Variants in TFIP11 observed in about 807,000 individuals in gnomAD.
TFIP11 encodes the protein tuftelin interacting protein 11.
Under a neutral mutation model 96.8 loss-of-function variants are expected in TFIP11, and 86 were observed. The observed-to-expected ratio is 0.89, with a 90% CI of 0.75 to 1.06. TFIP11 has a LOEUF of 1.06. Among genes scored for constraint, TFIP11 ranks in the 50% least tolerant of loss-of-function variants. The pLI is 0.00. For synonymous variants in TFIP11, 405 were observed against 395.2 expected (o/e 1.02, Z -0.29); for missense variants, 881 against 1,076.7 (o/e 0.82, Z 2.54).
rs144147871 is a variant in TFIP11, at chr22:26,492,876, G to A, written c.2159-508C>T. ...AATACCAAGACCATAAATGCTAAGT[G>A]CTAATTGAGGGGTATATTCAGGGAA... On this transcript the variant is annotated intron_variant, in intron 14 of 14. Transcript: ENST00000407690. 1.4e-4 allele frequency: 22 copies of A among 159,118 alleles called. 1 individual carries two copies. The East Asian group carries it at 3.7e-3, about 27-fold the overall frequency. 9.9% of individuals were successfully genotyped at this position (159,118 alleles called of 1,614,324 possible). A position where few individuals can be genotyped will look rare whatever the true frequency, so the allele number is the denominator to read the frequency against.
chr22:26,511,648 T>C (rs534957483), intron 2 of TFIP11: 2 of 152,322 alleles, frequency 1.3e-5, no homozygotes, highest in Non-Finnish European at 2.9e-5. Context: ...TACACAATAA[T>C]ACACTCCATA....
intron 8 of TFIP11, among the ~76,000 whole-genome samples, chr22:26,500,672 A>G (rs1227272749): frequency 1.3e-5 from 2 of 151,922 alleles, no homozygotes; most frequent in African/African-American, 4.8e-5. Flanking sequence ...AAAAAAAAAA[A>G]AAGAGTCCTG....
chr22:26,502,700 T>G (rs909492895), intron 7 of TFIP11, among the ~76,000 whole-genome samples: 2 of 152,212 alleles, frequency 1.3e-5, no homozygotes, highest in African/African-American at 4.8e-5. Context: ...ATTTTTTCTC[T>G]AAAAGTATCT....
intron 6 of TFIP11, among the ~76,000 whole-genome samples, chr22:26,505,264 G>C (rs4822730): frequency 0.46 from 69,305 of 151,874 alleles, 16,442 homozygotes; most frequent in Non-Finnish European, 0.5. Context: ...AGTGTGACAG[G>C]GGCTGTGTCT....
Position 26,491,409 on chromosome 22 carries a change from A to G in TFIP11, c.*604T>C. 1 of 1,332,504 alleles carries G rather than the reference A, an allele frequency of 7.5e-7. No individual in the cohort carries two copies. Among genetic ancestry groups the G allele is most frequent in the Non-Finnish European group, 1.1e-6 (1 of 945,328 alleles). The allele number at this position is 1,332,504 out of a possible 1,614,324, so 82.5% of individuals were successfully genotyped here. Reference sequence around the variant, plus strand: ...GTAAAGTGGAAATTTATCCCAGAAGAGTGGGGATTACTGTGACTATCTGAA... The same window carrying G: ...GTAAAGTGGAAATTTATCCCAGAAGGGTGGGGATTACTGTGACTATCTGAA... On this transcript the variant is annotated 3_prime_UTR_variant, in exon 15 of 15. Coordinates refer to ENST00000407690, the MANE Select transcript of TFIP11 (RefSeq NM_012143.4).
At chr22:26,493,110 C>G (rs1213802010) in intron 14 of TFIP11, 1 of 152,048 alleles carries the variant, frequency 6.6e-6, no homozygotes, top group Non-Finnish European at 1.5e-5. Flanking sequence ...TCACTACAAC[C>G]TCTGCCTCCC....
At chr22:26,506,619 C>T in intron 5 of TFIP11, 156 bp downstream of exon 5, 1 of 1,267,640 alleles carries the variant, frequency 7.9e-7, no homozygotes, top group African/African-American at 1.5e-5. Flanking sequence ...AAGGAAGAGA[C>T]TGCACTACAC....
chr22:26,495,574 A>ATGTG (rs1399047855), intron 12 of TFIP11, among the ~76,000 whole-genome samples: 1 of 74,788 alleles, frequency 1.3e-5, no homozygotes, highest in Non-Finnish European at 3.3e-5. Flanking sequence ...ACATATATAT[A>ATGTG]TGTGTGTGTG....
chr22:26,499,674 C>A lies in TFIP11; in HGVS notation c.802-43G>T, dbSNP rs1034595881. On this transcript the variant is annotated intron_variant, in intron 8 of 14. Transcript: ENST00000407690. ...GATGAAGGTTAACACCGCTGCAGCC[C>A]TGTTAAACACACAGCTAAGCCCAGG... The A allele has an allele frequency of 7.7e-6, 12 of 1,557,198 alleles. No homozygotes were observed. In the Admixed American group the frequency reaches 1.6e-4, roughly 20 times the overall value.
At chr22:26,507,686 AT>A (rs1235594889) in intron 4 of TFIP11, among the ~76,000 whole-genome samples, 3 of 151,958 alleles carry the variant, frequency 2.0e-5, no homozygotes, top group Admixed American at 6.6e-5. Flanking sequence ...GAAATAAGAA[AT>A]TAACTCTATA....
rs1351883757 is a variant in TFIP11, at chr22:26,496,332, G to A, written c.1606-16C>T. 1.9e-6 allele frequency: 3 copies of A among 1,581,558 alleles called. No homozygotes were observed. The highest frequency in any genetic ancestry group is 1.2e-5 in the South Asian group (1 of 86,868). Reference sequence around the variant, plus strand: ...AGTTTTCCACCTGCGAAGTGGGGAGGAGAAACAGTTCATGTCGCCTGTGGG... The same window carrying A: ...AGTTTTCCACCTGCGAAGTGGGGAGAAGAAACAGTTCATGTCGCCTGTGGG... On this transcript the variant is annotated splice_polypyrimidine_tract_variant and intron_variant, in intron 11 of 14. Transcript: ENST00000407690.
chr22:26,510,655 C>A lies in TFIP11; in HGVS notation c.-48G>T, dbSNP rs966478099. The stretch of plus-strand genomic sequence containing the variant: ...TAGGTATCTTCTTAGATCCCAGATT[C>A]TTTTTTCTATTACTGAGGAAAGAAT... On this transcript the variant is annotated 5_prime_UTR_variant, in exon 3 of 15. Coordinates refer to ENST00000407690, the MANE Select transcript of TFIP11 (RefSeq NM_012143.4). The A allele has an allele frequency of 5.6e-5, 10 of 179,998 alleles. No homozygotes were observed. Among genetic ancestry groups the A allele is most frequent in the Non-Finnish European group, 1.1e-4 (9 of 84,542 alleles). The allele number at this position is 179,998 out of a possible 1,614,324, so 11.2% of individuals were successfully genotyped here.
intron 14 of TFIP11, 39 bp from the exon 15 acceptor site, chr22:26,492,407 T>A: frequency 1.3e-6 from 2 of 1,590,856 alleles, no homozygotes; most frequent in Non-Finnish European, 1.7e-6. Context: ...GAGAGGTGTT[T>A]CCAGGTGTAT....
intron 2 of TFIP11, chr22:26,511,304 T>C (rs961101473): frequency 1.3e-5 from 2 of 149,898 alleles, no homozygotes; most frequent in African/African-American, 2.5e-5. Context: ...CTTATATTCT[T>C]GCCGTGCTGG....
In TFIP11 at chr22:26,492,175, G is replaced by T; in HGVS notation, c.2352C>A (p.His784Gln). 1 of 1,614,198 alleles carries T rather than the reference G, an allele frequency of 6.2e-7. No homozygotes were observed. Among genetic ancestry groups the T allele is most frequent in the Non-Finnish European group, 8.5e-7 (1 of 1,180,042 alleles). The change falls in exon 15 of 15, where the codon CAC becomes CAA. Residue 784 changes from histidine to glutamine, a missense_variant. His to Gln is a conservative substitution (Grantham distance 24, BLOSUM62 0). Transcript: ENST00000407690. ...KDLIETKAEE[H>Q]NIVFMPVIGK... ...CAATGACGGGCATGAAGACAATGTT[G>T]TGCTCCTCAGCCTTGGTCTCAATGA...
intron 8 of TFIP11, 54 bp from the exon 9 acceptor site, chr22:26,499,685 A>G (rs1329585297): frequency 1.9e-6 from 3 of 1,541,042 alleles, no homozygotes; most frequent in Non-Finnish European, 2.6e-6. Flanking sequence ...TGTTAAACAC[A>G]CAGCTAAGCC....
Position 26,491,718 on chromosome 22 carries a change from CAG to C in TFIP11, c.*293_*294del. 6.5e-7 allele frequency: 1 copy of C among 1,544,062 alleles called. No homozygotes were observed. Among genetic ancestry groups the C allele is most frequent in the African/African-American group, 1.4e-5 (1 of 73,566 alleles). On this transcript the variant is annotated 3_prime_UTR_variant, in exon 15 of 15. Coordinates refer to ENST00000407690, the MANE Select transcript of TFIP11 (RefSeq NM_012143.4). ...TGTTGGCTGAGGTAGAAGCTGCCAC[CAG>C]AGACTAAAGGGAAGGCTGCTATGGA... is the stretch of plus-strand genomic sequence containing the variant.
chr22:26,491,385 TA>T lies in TFIP11; in HGVS notation c.*627del. 1 of 1,158,982 alleles carries T rather than the reference TA, an allele frequency of 8.6e-7. No homozygotes were observed. Among genetic ancestry groups the T allele is most frequent in the Non-Finnish European group, 1.2e-6 (1 of 800,876 alleles). 71.8% of individuals were successfully genotyped at this position (1,158,982 alleles called of 1,614,324 possible). On this transcript the variant is annotated 3_prime_UTR_variant, in exon 15 of 15. Coordinates refer to ENST00000407690, the MANE Select transcript of TFIP11 (RefSeq NM_012143.4). Reference sequence around the variant, plus strand: ...TAAAAAGTAAAGTGGGGATGACAAGTAAAGTGGAAATTTATCCCAGAAGAGT... The same window carrying T: ...TAAAAAGTAAAGTGGGGATGACAAGTAAGTGGAAATTTATCCCAGAAGAGT...
intron 10 of TFIP11, among the ~76,000 whole-genome samples, chr22:26,497,279 G>C (rs1922183311): frequency 6.6e-6 from 1 of 152,138 alleles, no homozygotes; most frequent in Admixed American, 6.5e-5. Flanking sequence ...GTTCCAAGTA[G>C]GTTGCTCCTG....
Sources: allele counts gnomAD v4.1 joint callset (sites outside exome capture counted in the v4.1 genomes callset), GRCh38; gene constraint gnomAD v4.1.1; transcripts MANE v1.5; gene names NCBI Gene and HGNC (gene_info 2026-07-23, HGNC 2026-07-21).